TPM1: variants seen among roughly 807,000 people sequenced by gnomAD.
The protein encoded by TPM1 is tropomyosin 1, also known as tropomyosin alpha-1 chain.
Under a neutral mutation model 42.9 loss-of-function variants are expected in TPM1, and 24 were observed. The ratio of observed to expected loss-of-function variants is 0.56; its 90% CI spans 0.41 to 0.79. The LOEUF (loss-of-function observed/expected upper bound fraction) is 0.79, where lower values mean the gene tolerates loss of function less well. Among genes scored for constraint, TPM1 ranks in the 30% least tolerant of loss-of-function variants. TPM1 has a pLI of 0.00. For synonymous variants in TPM1, 136 were observed against 130.1 expected, an observed-to-expected ratio of 1.05 and a Z score of -0.31; for missense variants, 158 against 351.8, an observed-to-expected ratio of 0.45 and a Z score of 4.41.
At chr15:63,043,646 T>C in intron 1 of TPM1, 1 of 1,535,308 alleles carries the variant, frequency 6.5e-7, no homozygotes, top group East Asian at 2.4e-5. Flanking sequence ...GCCCGTGTGT[T>C]GTGTGTGTCT....
In TPM1 at chr15:63,063,184, T is replaced by G. The variant is rs115521315; in HGVS notation, c.772+539T>G. ...AGGCACTTAGGTTTTATTTTAGTAATAACCACTCTATCTCACAGATATCCT... is the reference window on the plus strand; with the variant it reads ...AGGCACTTAGGTTTTATTTTAGTAAGAACCACTCTATCTCACAGATATCCT... On this transcript the variant is annotated intron_variant, in intron 8 of 9. Transcript: ENST00000403994. 2.9e-3 allele frequency: 2,833 copies of G among 985,426 alleles called. 58 individuals are homozygous for G. The African/African-American group carries it at 0.041, about 14-fold the overall frequency. The allele number at this position is 985,426 out of a possible 1,614,324, so 61.0% of individuals were successfully genotyped here.
At chr15:63,067,039 T>G (rs1378740722), downstream of TPM1, among the ~76,000 whole-genome samples, 1 of 152,238 alleles carries the variant, frequency 6.6e-6, no homozygotes, top group Non-Finnish European at 1.5e-5. Context: ...TTAACTAATA[T>G]GGACTTTAGT....
chr15:63,071,477 A>G, exon 9 of TPM1: 1 of 377,252 alleles, frequency 2.7e-6, no homozygotes, highest in South Asian at 2.2e-5. Context: ...TCAAAGTGCC[A>G]ATGATAGAGT....
chr15:63,056,944 CT>C (rs758211526), intron 2 of TPM1, 40 bp from the exon 3 acceptor site: 2 of 1,613,838 alleles, frequency 1.2e-6, no homozygotes, highest in Non-Finnish European at 1.7e-6. Context: ...ACCACCCTCA[CT>C]TTCTCCCCAA....
At chr15:63,053,151 C>G (rs2034208066) in intron 2 of TPM1, among the ~76,000 whole-genome samples, 1 of 152,178 alleles carries the variant, frequency 6.6e-6, no homozygotes, top group Admixed American at 6.5e-5. Context: ...CTTCCTATTA[C>G]CCATTAGCAT....
At chr15:63,046,158 C>T (rs1197996389) in intron 2 of TPM1, 1 of 152,176 alleles carries the variant, frequency 6.6e-6, no homozygotes, top group African/African-American at 2.4e-5. Flanking sequence ...TGTTACTGTA[C>T]TGAATACTGT....
chr15:63,065,339 T>C, intron 9 of TPM1: 1 of 990,680 alleles, frequency 1.0e-6, no homozygotes. Context: ...AAGCTGGAAA[T>C]GTCATTTTCC....
intron 2 of TPM1, chr15:63,048,247 GAGCGCCCAGCTCACCAGGTACCCCCGC>G (rs748124082): frequency 2.0e-6 from 1 of 499,372 alleles, no homozygotes. Flanking sequence ...TGGCCTCCCG[GAGCGCCCAGCTCACCAGGTACCCCCGC>G]AGCGCGCCGG....
At chr15:63,051,851 A>G (rs1222004774) in intron 2 of TPM1, among the ~76,000 whole-genome samples, 1 of 151,630 alleles carries the variant, frequency 6.6e-6, no homozygotes, top group Non-Finnish European at 1.5e-5. Context: ...TGTATTGGCT[A>G]AAACATCTGG....
chr15:63,052,550 C>G (rs2034102053), intron 2 of TPM1, among the ~76,000 whole-genome samples: 1 of 151,552 alleles, frequency 6.6e-6, no homozygotes, highest in Non-Finnish European at 1.5e-5. Flanking sequence ...AAGAAGAAAG[C>G]TAACTCAGTA....
intron 2 of TPM1, among the ~76,000 whole-genome samples, chr15:63,051,070 A>G (rs2033756920): frequency 6.6e-6 from 1 of 152,212 alleles, no homozygotes; most frequent in Non-Finnish European, 1.5e-5. Flanking sequence ...TTTGCTTGAC[A>G]TGATTGATTC....
At chr15:63,049,662 A>G (rs1385933031) in intron 2 of TPM1, among the ~76,000 whole-genome samples, 1 of 152,170 alleles carries the variant, frequency 6.6e-6, no homozygotes, top group African/African-American at 2.4e-5. Flanking sequence ...AGTTGAGTAA[A>G]TCGTTCTAGT....
chr15:63,068,045 A>C (rs1163485751), downstream of TPM1, among the ~76,000 whole-genome samples: 2 of 152,178 alleles, frequency 1.3e-5, no homozygotes, highest in African/African-American at 4.8e-5. Flanking sequence ...CTTCCATTCT[A>C]GCCTGGCCAA....
intron 5 of TPM1, chr15:63,061,503 G>A (rs2035621808): frequency 1.4e-6 from 1 of 718,258 alleles, no homozygotes; most frequent in Non-Finnish European, 2.4e-6. Context: ...CAAAGTTGTT[G>A]GATTTGGTCA....
At chr15:63,047,711 C>T (rs1227191208) in intron 2 of TPM1, 3 of 152,486 alleles carry the variant, frequency 2.0e-5, no homozygotes, top group Non-Finnish European at 4.4e-5. Context: ...TAAAACAATG[C>T]TTGTGTATTT....
intron 4 of TPM1, 81 bp downstream of exon 4, chr15:63,059,761 C>T (rs1199448938): frequency 1.0e-6 from 1 of 1,000,284 alleles, no homozygotes; most frequent in African/African-American, 1.6e-5. Context: ...AGTCTTGATT[C>T]CCGAGTGAGG....
downstream of TPM1, chr15:63,070,708 C>T (rs2036559755): frequency 1.9e-6 from 2 of 1,046,826 alleles, no homozygotes; most frequent in African/African-American, 1.7e-5. Context: ...ACTGCCTGTA[C>T]CTTGGAAATG....
chr15:63,065,766 G>A, intron 9 of TPM1, 130 bp from the exon 10 acceptor site: 3 of 1,384,038 alleles, frequency 2.2e-6, no homozygotes, highest in Non-Finnish European at 2.9e-6. Flanking sequence ...GTGGCTGGCA[G>A]TGGGGTTTGC....
intron 7 of TPM1, 143 bp downstream of exon 7, chr15:63,062,420 T>C: frequency 1.6e-6 from 2 of 1,224,794 alleles, no homozygotes; most frequent in Non-Finnish European, 2.4e-6. Flanking sequence ...TGTACTGTGC[T>C]AACTGCCATT....
Sources: allele counts gnomAD v4.1 joint callset (sites outside exome capture counted in the v4.1 genomes callset), GRCh38; gene constraint gnomAD v4.1.1; transcripts MANE v1.5; gene names NCBI Gene and HGNC (gene_info 2026-07-23, HGNC 2026-07-21).